MATR3: variants seen among roughly 807,000 people sequenced by gnomAD.
The protein encoded by MATR3 is matrin-3.
A neutral mutation model predicts 85.5 loss-of-function variants in MATR3; 4 were observed. The observed-to-expected ratio is 0.05, with a 90% CI of 0.02 to 0.11. The LOEUF is 0.11. Ranked by LOEUF, MATR3 falls within the 10% of genes least tolerant of loss-of-function variation. The pLI is 1.00. For synonymous variants in MATR3, 336 were observed against 343.1 expected (o/e 0.98, Z 0.23); for missense variants, 685 against 1,016.1 (o/e 0.67, Z 4.43).
intron 1 of MATR3, among the ~76,000 whole-genome samples, chr5:139,297,029 G>A (rs1754191724): frequency 6.6e-6 from 1 of 152,096 alleles, no homozygotes; most frequent in Non-Finnish European, 1.5e-5. Context: ...AAAATTAGCC[G>A]GGCGTGGTGG....
rs1236046535 is a variant in MATR3, at chr5:139,318,380, C to G, written c.1309-528C>G. On this transcript the variant is annotated intron_variant, in intron 7 of 14. Transcript: ENST00000394805. ...AAGTCCTGACCTCAGGTGATCCACCCGCCTTGGCCTCCCAAAGTGCTGGGA... is the reference window on the plus strand; with the variant it reads ...AAGTCCTGACCTCAGGTGATCCACCGGCCTTGGCCTCCCAAAGTGCTGGGA... 3.3e-5 allele frequency among the ~76,000 whole-genome samples: 5 copies of G among 151,948 alleles called. No individual in the cohort carries two copies. In the South Asian group the frequency reaches 6.2e-4, roughly 19 times the overall value.
intron 8 of MATR3, 142 bp from the exon 9 acceptor site, chr5:139,319,192 C>T (rs1210731856): frequency 4.1e-6 from 5 of 1,230,166 alleles, no homozygotes; most frequent in Admixed American, 2.0e-5. Context: ...TATGTGAGGC[C>T]CAGGAGTTCC....
At position 139,322,803 on chromosome 5, in the gene MATR3, G is replaced by A; in HGVS notation, c.1984G>A (p.Glu662Lys). The stretch of plus-strand genomic sequence containing the variant: ...ATCTGAAGATGAGCTACTTGTAGAT[G>A]AAGAAGAAGCAGCAGCACTGCTAGA... ...LESEDELLVDEEEAAALLESG... is the reference protein window; with the variant it reads ...LESEDELLVDKEEAAALLESG... The change falls in exon 12 of 15, where the codon GAA becomes AAA. Residue 662 changes from glutamate (E) to lysine (K), a missense_variant. Glu to Lys is a moderately conservative substitution (Grantham distance 56, BLOSUM62 1). Transcript: ENST00000394805. 6.2e-7 allele frequency: 1 copy of A among 1,614,168 alleles called. No individual in the cohort carries two copies. The highest frequency in any genetic ancestry group is 8.5e-7 in the Non-Finnish European group (1 of 1,180,010).
At chr5:139,293,665 C>G (rs1206960827), upstream of MATR3, 10 of 263,290 alleles carry the variant, frequency 3.8e-5, no homozygotes, top group African/African-American at 2.2e-5. Flanking sequence ...CGAGCTCTCT[C>G]GCGAGAGTGG....
chr5:139,279,425 C>T (rs1038468312), intron 3 of MATR3: 4 of 265,922 alleles, frequency 1.5e-5, no homozygotes, highest in Non-Finnish European at 3.0e-5. Flanking sequence ...GACGAGGTTT[C>T]ACCATATTGG....
chr5:139,315,962 T>G, intron 4 of MATR3, 114 bp from the exon 5 acceptor site: 1 of 865,934 alleles, frequency 1.2e-6, no homozygotes, highest in Non-Finnish European at 2.0e-6. Flanking sequence ...TCACAGATAC[T>G]CTGAAAGATT....
intron 1 of MATR3, among the ~76,000 whole-genome samples, chr5:139,303,666 G>A (rs1181958057): frequency 6.6e-6 from 1 of 152,172 alleles, no homozygotes; most frequent in African/African-American, 2.4e-5. Context: ...GGGAGGCAGA[G>A]GTTACAGTGA....
intron 10 of MATR3, 122 bp from the exon 11 acceptor site, chr5:139,322,341 A>C (rs1755614994): frequency 3.1e-6 from 3 of 961,778 alleles, no homozygotes; most frequent in Non-Finnish European, 3.3e-6. Context: ...TTAGGTTCTC[A>C]AATAAGGTTA....
In MATR3 at chr5:139,323,514, A is replaced by G. The variant is rs1755686073; in HGVS notation, c.2148+547A>G. Among the ~76,000 whole-genome samples the G allele has an allele frequency of 2.0e-5, 3 of 152,374 alleles. No homozygotes were observed. In the East Asian group the frequency reaches 5.8e-4, roughly 29 times the overall value. ...ATAAAAATACACACATGCTATAAAG[A>G]AGAGTAAACAAAGGACCCACATTGA... is the stretch of plus-strand genomic sequence containing the variant. On this transcript the variant is annotated intron_variant, in intron 12 of 14. Coordinates refer to ENST00000394805, the MANE Select transcript of MATR3 (RefSeq NM_018834.6).
In MATR3 at chr5:139,329,355, A is replaced by G. The variant is rs201165929; in HGVS notation, c.2504A>G (p.Asn835Ser). Residue 835 changes from asparagine to serine, a missense_variant, in exon 15 of 15, where the codon AAT (asparagine) becomes AGT (serine). This residue lies in a region of MATR3 where 45 missense variants were observed against 82.5 expected (regional missense o/e 0.55). Coordinates refer to ENST00000394805, the MANE Select transcript of MATR3 (RefSeq NM_018834.6). ...TCTCTTTCTTTATAGAAATTTCTGAATAAATTGGCAGAAGAACGCAGACAG... is the reference window on the plus strand; with the variant it reads ...TCTCTTTCTTTATAGAAATTTCTGAGTAAATTGGCAGAAGAACGCAGACAG... ...PHYQKLKKFL[N>S]KLAEERRQKK... 1.3e-4 allele frequency: 206 copies of G among 1,611,670 alleles called. 1 individual carries two copies. Among genetic ancestry groups the G allele is most frequent in the Non-Finnish European group, 1.7e-4 (199 of 1,178,140 alleles).
chr5:139,328,570 T>C (rs1755973743), intron 14 of MATR3, among the ~76,000 whole-genome samples: 1 of 152,298 alleles, frequency 6.6e-6, no homozygotes, highest in African/African-American at 2.4e-5. Flanking sequence ...CCATAATCAT[T>C]TAAGTGTCAT....
At chr5:139,284,708 T>A (rs1011928424) in intron 3 of MATR3, among the ~76,000 whole-genome samples, 1 of 152,232 alleles carries the variant, frequency 6.6e-6, no homozygotes, top group Non-Finnish European at 1.5e-5. Context: ...CTTATTTCAG[T>A]AATCTGTAAA....
intron 3 of MATR3, among the ~76,000 whole-genome samples, chr5:139,286,674 A>T (rs1753714064): frequency 6.6e-6 from 1 of 151,624 alleles, no homozygotes; most frequent in African/African-American, 2.4e-5. Context: ...GTGAAATCCC[A>T]TCTTTACTAA....
rs571177429 is a variant in MATR3 at position 139,285,906 on chromosome 5, C to T, written c.-178+6777C>T. ...TGAAAAAGTGAAGCCTATGGGACAC[C>T]ATCAGGTGAACCCATATACGCACTT... On this transcript the variant is annotated intron_variant, in intron 3 of 16. Coordinates refer to ENST00000509990, the Ensembl canonical transcript of MATR3. Among the ~76,000 whole-genome samples, 5 of 152,142 alleles carry T rather than the reference C, an allele frequency of 3.3e-5. No homozygotes were observed. In the South Asian group the frequency reaches 1.0e-3, roughly 32 times the overall value.
chr5:139,323,046 C>A, intron 12 of MATR3, 79 bp downstream of exon 12: 1 of 1,390,968 alleles, frequency 7.2e-7, no homozygotes, highest in Non-Finnish European at 1.0e-6. Flanking sequence ...TAAGCAGGAT[C>A]AGATAGAATT....
intron 1 of MATR3, among the ~76,000 whole-genome samples, chr5:139,297,791 T>C (rs780218312): frequency 4.6e-5 from 7 of 152,176 alleles, no homozygotes; most frequent in Non-Finnish European, 1.0e-4. Context: ...TAATGAAAGC[T>C]TAGGTTTGAA....
At position 139,331,606 on chromosome 5, in the gene MATR3, CGG is replaced by C. The variant is rs1756153195; in HGVS notation, c.*2212_*2213del. 8 of 453,934 alleles carry C rather than the reference CGG, an allele frequency of 1.8e-5. No homozygotes were observed. The highest frequency in any genetic ancestry group is 1.2e-4 in the South Asian group (8 of 64,456). The allele number at this position is 453,934 out of a possible 1,614,324, so 28.1% of individuals were successfully genotyped here. A position where few individuals can be genotyped will look rare whatever the true frequency, so the allele number is the denominator to read the frequency against. ...GTAAAGTTTAAGAACATTTTTCCTACGGCTATGTCAGCCCTTAGTTTAATCTT... is the reference window on the plus strand; with the variant it reads ...GTAAAGTTTAAGAACATTTTTCCTACCTATGTCAGCCCTTAGTTTAATCTT... On this transcript the variant is annotated 3_prime_UTR_variant, in exon 15 of 15. Coordinates refer to ENST00000394805, the MANE Select transcript of MATR3 (RefSeq NM_018834.6).
intron 10 of MATR3, 140 bp downstream of exon 10, chr5:139,322,169 C>T: frequency 9.3e-7 from 1 of 1,080,056 alleles, no homozygotes. Context: ...AGAGAACAAC[C>T]TTTTTTTCTG....
chr5:139,282,480 T>C (rs766550497), intron 3 of MATR3, among the ~76,000 whole-genome samples: 1 of 152,206 alleles, frequency 6.6e-6, no homozygotes, highest in Non-Finnish European at 1.5e-5. Context: ...AAGGGTGATA[T>C]ACTCATTGGG....
Sources: allele counts gnomAD v4.1 joint callset (sites outside exome capture counted in the v4.1 genomes callset), GRCh38; gene constraint gnomAD v4.1.1; regional missense constraint gnomAD v4.1.1; transcripts MANE v1.5; gene names NCBI Gene and HGNC (gene_info 2026-07-23, HGNC 2026-07-21).